Variants in RNF150 observed in about 807,000 individuals in gnomAD.
The protein encoded by RNF150 is ring finger protein 150.
In RNF150, 24 loss-of-function variants were observed where a neutral mutation model predicts 39.3. That is an observed-to-expected ratio of 0.61 (90% confidence interval 0.44 to 0.86). The LOEUF is 0.86. RNF150 is among the 40% of genes least tolerant of loss of function. The pLI is 0.00. For synonymous variants in RNF150, 255 were observed against 227.3 expected, an observed-to-expected ratio of 1.12 and a Z score of -1.10; for missense variants, 502 against 587.8, an observed-to-expected ratio of 0.85 and a Z score of 1.51.
At chr4:140,921,367 G>A (rs1731136451) in intron 5 of RNF150, among the ~76,000 whole-genome samples, 1 of 151,890 alleles carries the variant, frequency 6.6e-6, no homozygotes, top group Non-Finnish European at 1.5e-5. Context: ...AGAAAATCTA[G>A]AAGAAATGGA....
intron 1 of RNF150, among the ~76,000 whole-genome samples, chr4:141,211,278 A>G (rs11936807): frequency 0.22 from 33,675 of 152,100 alleles, 3,967 homozygotes; most frequent in South Asian, 0.32. Context: ...TATATGTTTG[A>G]TAATTTAAAG....
intron 1 of RNF150, among the ~76,000 whole-genome samples, chr4:141,201,775 G>C (rs1728296373): frequency 6.6e-6 from 1 of 151,858 alleles, no homozygotes; most frequent in Non-Finnish European, 1.5e-5. Flanking sequence ...CTTCCTTATA[G>C]TTTGGAAAAT....
chr4:141,014,857 G>A (rs1735207127), intron 1 of RNF150, among the ~76,000 whole-genome samples: 1 of 152,076 alleles, frequency 6.6e-6, no homozygotes, highest in Admixed American at 6.5e-5. Context: ...TGCCTTTGTT[G>A]CCTGTGCTTT....
chr4:141,123,637 G>A (rs1006644434), intron 1 of RNF150, among the ~76,000 whole-genome samples: 17 of 152,206 alleles, frequency 1.1e-4, no homozygotes, highest in African/African-American at 4.1e-4. Flanking sequence ...GTGCCATGTT[G>A]GTGTGTTGCA....
At chr4:141,067,454 G>C (rs1037606296) in intron 1 of RNF150, among the ~76,000 whole-genome samples, 1 of 152,170 alleles carries the variant, frequency 6.6e-6, no homozygotes, top group Non-Finnish European at 1.5e-5. Flanking sequence ...CTCATCAAAT[G>C]AAAGTCTGTG....
At chr4:140,946,208 T>C (rs1732304193) in intron 4 of RNF150, among the ~76,000 whole-genome samples, 1 of 152,248 alleles carries the variant, frequency 6.6e-6, no homozygotes, top group African/African-American at 2.4e-5. Flanking sequence ...CCCTAATGCC[T>C]ATTTTCCTAA....
At chr4:141,142,831 A>G (rs1191771756) in intron 1 of RNF150, among the ~76,000 whole-genome samples, 1 of 149,434 alleles carries the variant, frequency 6.7e-6, no homozygotes, top group Non-Finnish European at 1.5e-5. Context: ...ATTTTATATT[A>G]TGTAGGTGAT....
At chr4:141,141,136 G>A (rs1434758065) in intron 1 of RNF150, among the ~76,000 whole-genome samples, 1 of 152,146 alleles carries the variant, frequency 6.6e-6, no homozygotes, top group Non-Finnish European at 1.5e-5. Flanking sequence ...AAAGGAACAG[G>A]GGACAGAAAA....
At chr4:140,988,730 A>G (rs941530043) in intron 1 of RNF150, among the ~76,000 whole-genome samples, 4 of 150,568 alleles carry the variant, frequency 2.7e-5, no homozygotes, top group Non-Finnish European at 4.4e-5. Flanking sequence ...ACTACTCACT[A>G]TAGCAAAGAC....
rs542971554 is a variant in RNF150, at chr4:140,918,770, G to A, written c.987+7207C>T. ...TAGACCAATATCCTTGACGAAAATT[G>A]ATGCAAAAATCCTCAATAAAATACT... On this transcript the variant is annotated intron_variant, in intron 5 of 6. Transcript: ENST00000515673. Among the ~76,000 whole-genome samples, 5 of 152,152 alleles carry A rather than the reference G, an allele frequency of 3.3e-5. No individual in the cohort carries two copies. The South Asian group carries it at 8.3e-4, about 25-fold the overall frequency.
At chr4:141,143,716 T>G (rs1253770676) in intron 1 of RNF150, among the ~76,000 whole-genome samples, 2 of 152,162 alleles carry the variant, frequency 1.3e-5, no homozygotes, top group Non-Finnish European at 2.9e-5. Context: ...CACTGGTTTG[T>G]TTTTGTTTTG....
At chr4:141,036,220 G>A (rs998842364) in intron 1 of RNF150, among the ~76,000 whole-genome samples, 2 of 152,084 alleles carry the variant, frequency 1.3e-5, no homozygotes, top group African/African-American at 4.8e-5. Flanking sequence ...ATGGGGTTGT[G>A]CCTGTCTTGT....
At chr4:141,096,190 C>CTTTTTTTTTTTTT (rs780868429) in intron 1 of RNF150, among the ~76,000 whole-genome samples, 3 of 67,970 alleles carry the variant, frequency 4.4e-5, no homozygotes, top group African/African-American at 2.1e-4. Flanking sequence ...TTTTAGCTTT[C>CTTTTTTTTTTTTT]TTTTTTTTTT....
At chr4:141,043,320 C>T (rs1257702367) in intron 1 of RNF150, among the ~76,000 whole-genome samples, 1 of 152,072 alleles carries the variant, frequency 6.6e-6, no homozygotes, top group Non-Finnish European at 1.5e-5. Flanking sequence ...CCGATAAAAG[C>T]AAGATACCAG....
intron 1 of RNF150, among the ~76,000 whole-genome samples, chr4:141,004,122 C>T (rs1377944586): frequency 2.6e-5 from 4 of 151,916 alleles, no homozygotes; most frequent in African/African-American, 7.3e-5. Flanking sequence ...AGCATTTACA[C>T]GGTGCCATGC....
intron 1 of RNF150, among the ~76,000 whole-genome samples, chr4:141,156,271 A>C (rs1727397215): frequency 6.6e-6 from 1 of 152,066 alleles, no homozygotes; most frequent in African/African-American, 2.4e-5. Context: ...GCATATGAAG[A>C]TTATAGTATA....
intron 1 of RNF150, among the ~76,000 whole-genome samples, chr4:141,042,914 A>G (rs1736423708): frequency 6.6e-6 from 1 of 152,030 alleles, no homozygotes; most frequent in Non-Finnish European, 1.5e-5. Flanking sequence ...TTTTAGGTAA[A>G]CTGTCAGAAG....
chr4:140,957,893 A>T, intron 2 of RNF150, among the ~76,000 whole-genome samples: 1 of 113,550 alleles, frequency 8.8e-6, no homozygotes, highest in Non-Finnish European at 1.7e-5. Flanking sequence ...CACTCTGGGG[A>T]CTGTTGTGGG....
intron 1 of RNF150, among the ~76,000 whole-genome samples, chr4:141,001,706 G>A (rs1579043875): frequency 6.6e-6 from 1 of 152,038 alleles, no homozygotes; most frequent in East Asian, 1.9e-4. Flanking sequence ...AGCACAAAGA[G>A]TAAGTATGTT....
Sources: gnomAD v4.1 joint callset for allele counts (sites outside exome capture counted in the v4.1 genomes callset) on GRCh38, gnomAD v4.1.1 for gene constraint, MANE v1.5 for transcripts, NCBI Gene and HGNC (gene_info 2026-07-23, HGNC 2026-07-21) for gene names.